Variants in NOX4 observed in about 807,000 individuals in gnomAD.
The protein encoded by NOX4 is kidney oxidase-1.
NOX4 carries 69 observed loss-of-function variants against 87.6 expected under a neutral mutation model. The observed-to-expected ratio is 0.79, with a 90% CI of 0.65 to 0.96. NOX4 has a LOEUF of 0.96. Among genes scored for constraint, NOX4 ranks in the 40% least tolerant of loss-of-function variants. The probability of loss-of-function intolerance (pLI) is 0.00; values close to 1 mark genes in which losing one functional copy is unlikely to be tolerated. For synonymous variants in NOX4, 275 were observed against 238.2 expected (o/e 1.15, Z -1.42); for missense variants, 680 against 681.5 (o/e 1.00, Z 0.02).
chr11:89,437,931 G>A (rs959626664), intron 6 of NOX4, among the ~76,000 whole-genome samples: 1 of 151,792 alleles, frequency 6.6e-6, no homozygotes, highest in Non-Finnish European at 1.5e-5. Context: ...TAATACAAAA[G>A]GCAGGCAGTA....
chr11:89,328,605 A>C lies in NOX4; in HGVS notation c.1617-1729T>G, dbSNP rs959463465. 2.4e-4 allele frequency among the ~76,000 whole-genome samples: 36 copies of C among 152,260 alleles called. No homozygotes were observed. In the Middle Eastern group the frequency reaches 0.014, roughly 58 times the overall value. ...AACTTTAAAATGTACAGAAATCAAC[A>C]AAAAAGTACCAGGAATTCAAAAAGC... On this transcript the variant is annotated intron_variant, in intron 17 of 17. Transcript: ENST00000263317.
chr11:89,490,414 T>G (rs778340586), intron 2 of NOX4, 44 bp downstream of exon 2: 1 of 1,298,542 alleles, frequency 7.7e-7, no homozygotes, highest in South Asian at 1.2e-5. Flanking sequence ...TGTCTGCCAG[T>G]GTTAAACCCA....
intron 2 of NOX4, among the ~76,000 whole-genome samples, chr11:89,474,156 C>T (rs932233519): frequency 3.3e-5 from 5 of 151,996 alleles, no homozygotes; most frequent in African/African-American, 1.2e-4. Flanking sequence ...TTGCGCCAAC[C>T]TATTAAATTA....
chr11:89,455,436 T>A (rs1209907317), intron 2 of NOX4, among the ~76,000 whole-genome samples: 1 of 152,028 alleles, frequency 6.6e-6, no homozygotes, highest in East Asian at 1.9e-4. Context: ...AAAAGCAGGA[T>A]CCATTTTTTA....
At chr11:89,541,481 C>G in the NOX4 span, among the ~76,000 whole-genome samples, 2 of 152,140 alleles carry the variant, frequency 1.3e-5, no homozygotes, top group African/African-American at 4.8e-5. Flanking sequence ...AATACACTAC[C>G]AGGTATTAGA....
Position 89,407,146 on chromosome 11 carries a change from A to G in NOX4, c.630-4604T>C, listed in dbSNP as rs1942231685. ...TAGATCTCTAATGCATTTCTAGTGA[A>G]TTGATTTTAAAAGCAAACAATAAAC... On this transcript the variant is annotated intron_variant, in intron 8 of 17. Transcript: ENST00000263317. Among the ~76,000 whole-genome samples the G allele has an allele frequency of 1.3e-5, 2 of 152,306 alleles. 1 individual carries two copies. Among genetic ancestry groups the G allele is most frequent in the South Asian group, 4.1e-4 (2 of 4,832 alleles).
chr11:89,494,929 C>T (rs1234859567), upstream of NOX4, among the ~76,000 whole-genome samples: 1 of 152,076 alleles, frequency 6.6e-6, no homozygotes, highest in Non-Finnish European at 1.5e-5. Flanking sequence ...TCAAGGTGTT[C>T]ACCAGATCAC....
intron 14 of NOX4, among the ~76,000 whole-genome samples, chr11:89,340,746 T>C (rs1410913917): frequency 3.3e-5 from 5 of 152,220 alleles, no homozygotes; most frequent in Non-Finnish European, 7.3e-5. Context: ...TGGATCCCCA[T>C]TTATAAAGTA....
intron 12 of NOX4, among the ~76,000 whole-genome samples, chr11:89,371,508 T>C (rs546041038): frequency 4.3e-4 from 66 of 152,084 alleles, no homozygotes; most frequent in Non-Finnish European, 7.5e-4. Flanking sequence ...TAGCTAATAA[T>C]AAACCATCAG....
intron 12 of NOX4, among the ~76,000 whole-genome samples, chr11:89,369,722 T>C (rs1161002483): frequency 6.9e-6 from 1 of 144,764 alleles, no homozygotes; most frequent in African/African-American, 2.6e-5. Flanking sequence ...ATTCCATATA[T>C]CCAAATATGA....
chr11:89,518,145 C>T, the NOX4 span, among the ~76,000 whole-genome samples: 9 of 151,990 alleles, frequency 5.9e-5, no homozygotes, highest in East Asian at 1.2e-3. Flanking sequence ...AAAGTTGAAA[C>T]ACACTTAAGA....
chr11:89,438,875 AATATATAATATATTATATAT>A (rs1944299974), intron 6 of NOX4, among the ~76,000 whole-genome samples: 1 of 52,462 alleles, frequency 1.9e-5, no homozygotes, highest in Non-Finnish European at 2.9e-5. Context: ...TTATATATAT[AATATATAATATATTATATAT>A]TATATATATA....
chr11:89,514,485 A>T, the NOX4 span, among the ~76,000 whole-genome samples: 2 of 151,958 alleles, frequency 1.3e-5, no homozygotes, highest in Non-Finnish European at 2.9e-5. Context: ...TTTCTTTATA[A>T]TTTTTATTTT....
chr11:89,491,675 CAT>C (rs1380403789), upstream of NOX4: 5 of 200,412 alleles, frequency 2.5e-5, no homozygotes, highest in Non-Finnish European at 4.0e-5. Flanking sequence ...TACTGGCAAA[CAT>C]GTGAACAATG....
chr11:89,504,772 C>T, the NOX4 span, among the ~76,000 whole-genome samples: 2 of 151,862 alleles, frequency 1.3e-5, no homozygotes, highest in Admixed American at 6.6e-5. Context: ...CCTCCAGTTT[C>T]GGAGGATTTA....
chr11:89,383,117 C>T, intron 11 of NOX4, among the ~76,000 whole-genome samples: 1 of 152,058 alleles, frequency 6.6e-6, no homozygotes, highest in Non-Finnish European at 1.5e-5. Context: ...TCAAGATGTT[C>T]AATAACAGAG....
rs1450438113 is a variant in NOX4 at position 89,325,200 on chromosome 11, C to G, written c.*1556G>C. ...AGTGCAGTGGTGCAATCTTGGCTCA[C>G]TGCAACCTCCGCCCACCGGGTTCAA... On this transcript the variant is annotated 3_prime_UTR_variant, in exon 18 of 18. Transcript: ENST00000263317. 7.4e-6 allele frequency: 1 copy of G among 135,296 alleles called. No individual in the cohort carries two copies. The highest frequency in any genetic ancestry group is 8.2e-5 in the Admixed American group (1 of 12,206). The allele number at this position is 135,296 out of a possible 1,614,324, so 8.4% of individuals were successfully genotyped here.
At chr11:89,541,894 A>C in the NOX4 span, among the ~76,000 whole-genome samples, 1 of 152,184 alleles carries the variant, frequency 6.6e-6, no homozygotes, top group African/African-American at 2.4e-5. Flanking sequence ...ATCAAGACTC[A>C]CTGCAGCCTC....
intron 11 of NOX4, among the ~76,000 whole-genome samples, chr11:89,397,772 T>A (rs542360019): frequency 2.0e-5 from 3 of 151,454 alleles, no homozygotes; most frequent in South Asian, 2.1e-4. Flanking sequence ...CAGGAAGAAG[T>A]TGAATCCCTG....
Sources: gnomAD v4.1 joint callset for allele counts (sites outside exome capture counted in the v4.1 genomes callset) on GRCh38, gnomAD v4.1.1 for gene constraint, MANE v1.5 for transcripts, NCBI Gene and HGNC (gene_info 2026-07-23, HGNC 2026-07-21) for gene names.